The following NKIRAS1 variants were observed in gnomAD, a reference collection of about 807,000 sequenced individuals.
The protein encoded by NKIRAS1 is NFKB inhibitor interacting Ras like 1, also known as NF-kappa-B inhibitor-interacting Ras-like protein 1.
In NKIRAS1, 16 loss-of-function variants were observed where a neutral mutation model predicts 19.8. The observed-to-expected ratio is 0.81, with a 90% CI of 0.55 to 1.23. The LOEUF is 1.23. Ranked by LOEUF, NKIRAS1 falls within the 50% of genes most tolerant of loss-of-function variation. The pLI is 0.00. For synonymous variants in NKIRAS1, 88 were observed against 79.0 expected, an observed-to-expected ratio of 1.11 and a Z score of -0.61; for missense variants, 184 against 220.0, an observed-to-expected ratio of 0.84 and a Z score of 1.04.
chr3:23,911,764 G>A (rs1441596453), intron 1 of NKIRAS1, among the ~76,000 whole-genome samples: 2 of 143,674 alleles, frequency 1.4e-5, no homozygotes, highest in Admixed American at 7.1e-5. Flanking sequence ...AGTCACGTGG[G>A]CTTTTTTTTT....
intron 1 of NKIRAS1, chr3:23,945,996 A>T (rs1052444055): frequency 3.3e-6 from 2 of 608,206 alleles, no homozygotes; most frequent in East Asian, 1.4e-4. Context: ...CCTGACCCAC[A>T]TTCCCCGGGG....
chr3:23,903,408 C>T (rs1702710590), intron 3 of NKIRAS1, among the ~76,000 whole-genome samples: 1 of 152,168 alleles, frequency 6.6e-6, no homozygotes, highest in Admixed American at 6.5e-5. Context: ...AGCCACTGCA[C>T]TGGGCCTAGG....
intron 4 of NKIRAS1, among the ~76,000 whole-genome samples, chr3:23,895,684 A>G (rs1036485187): frequency 3.3e-5 from 5 of 152,096 alleles, no homozygotes; most frequent in African/African-American, 1.2e-4. Flanking sequence ...TCTCAAATGA[A>G]CTGATGTTCT....
intron 1 of NKIRAS1, among the ~76,000 whole-genome samples, chr3:23,936,082 CAA>C (rs35945213): frequency 0.15 from 9,379 of 63,382 alleles, 326 homozygotes; most frequent in African/African-American, 0.26. Flanking sequence ...GACCCTGTCT[CAA>C]AAAAAAAAAA....
rs1027097997 is a variant in NKIRAS1, at chr3:23,925,264, C to T, written c.-139-13814G>A. On this transcript the variant is annotated intron_variant, in intron 1 of 4. Coordinates refer to the NKIRAS1 transcript ENST00000421515. ...ATACCAAGGAGAAAGCAGGAACCAG[C>T]GCAGTCCACACTGGTAGAGAGAGTA... Among the ~76,000 whole-genome samples the T allele has an allele frequency of 3.3e-5, 5 of 152,162 alleles. 1 individual carries two copies. Among genetic ancestry groups the T allele is most frequent in the African/African-American group, 9.7e-5 (4 of 41,434 alleles).
chr3:23,910,148 C>T (rs533834227), intron 3 of NKIRAS1, among the ~76,000 whole-genome samples: 32 of 133,164 alleles, frequency 2.4e-4, no homozygotes, highest in Non-Finnish European at 4.4e-4. Flanking sequence ...TGAGCCACTG[C>T]GCTCGGCCTT....
chr3:23,927,776 A>T lies in NKIRAS1; in HGVS notation c.-139-16326T>A, dbSNP rs903819259. Among the ~76,000 whole-genome samples, 33 of 152,148 alleles carry T rather than the reference A, an allele frequency of 2.2e-4. 1 individual carries two copies. The highest frequency in any genetic ancestry group is 7.7e-4 in the African/African-American group (32 of 41,428). On this transcript the variant is annotated intron_variant, in intron 1 of 4. Coordinates refer to the NKIRAS1 transcript ENST00000421515. This position sits in a 1 kb window ranked among gnomAD's most constrained non-coding sequence, Gnocchi z 4.0. Reference sequence around the variant, plus strand: ...GATGTTTTGCTTATCAAAAAGAAAGATTCAAAAAATGATCATCCAAGGCTG... The same window carrying T: ...GATGTTTTGCTTATCAAAAAGAAAGTTTCAAAAAATGATCATCCAAGGCTG...
chr3:23,946,264 GGCGCGGACCCC>G, intron 1 of NKIRAS1: 4 of 985,496 alleles, frequency 4.1e-6, no homozygotes, highest in Non-Finnish European at 3.6e-6. Flanking sequence ...GTGACCCCAA[GGCGCGGACCCC>G]GCGCAAACCA....
chr3:23,898,535 C>T (rs568918400), intron 4 of NKIRAS1, among the ~76,000 whole-genome samples: 4 of 152,002 alleles, frequency 2.6e-5, no homozygotes, highest in East Asian at 1.9e-4. Flanking sequence ...CTCTGCCTCC[C>T]GGGTTTCAAG....
intron 3 of NKIRAS1, among the ~76,000 whole-genome samples, chr3:23,903,209 GC>G (rs1360994566): frequency 1.3e-5 from 2 of 152,114 alleles, no homozygotes; most frequent in African/African-American, 4.8e-5. Context: ...AACCTCCTGG[GC>G]TCAAGCGATC....
At chr3:23,904,409 G>A (rs1453948127) in intron 3 of NKIRAS1, among the ~76,000 whole-genome samples, 1 of 152,144 alleles carries the variant, frequency 6.6e-6, no homozygotes, top group Non-Finnish European at 1.5e-5. Context: ...CAAATGCTGT[G>A]TCCTCACATG....
chr3:23,910,548 T>C (rs1206108353), intron 3 of NKIRAS1, among the ~76,000 whole-genome samples: 2 of 152,232 alleles, frequency 1.3e-5, no homozygotes, highest in African/African-American at 2.4e-5. Flanking sequence ...ACCACATATA[T>C]ACAAAGGAAT....
intron 1 of NKIRAS1, among the ~76,000 whole-genome samples, chr3:23,942,489 C>T (rs1336707149): frequency 2.0e-5 from 3 of 152,064 alleles, no homozygotes; most frequent in African/African-American, 4.8e-5. Flanking sequence ...TGGAGTGCAA[C>T]GGCACGATCT....
At chr3:23,921,794 C>T (rs1441841757), upstream of NKIRAS1, 4 of 573,150 alleles carry the variant, frequency 7.0e-6, no homozygotes, top group Admixed American at 3.2e-5. Context: ...AGGCTGGTCT[C>T]GAACTCCTGA....
At chr3:23,920,287 A>T (rs537698656), upstream of NKIRAS1, 2 of 985,824 alleles carry the variant, frequency 2.0e-6, no homozygotes, top group African/African-American at 3.5e-5. Flanking sequence ...GTTGGCTATA[A>T]GTACGTCATT....
At chr3:23,909,584 T>G (rs1016484618) in intron 3 of NKIRAS1, among the ~76,000 whole-genome samples, 3 of 152,190 alleles carry the variant, frequency 2.0e-5, no homozygotes, top group African/African-American at 7.2e-5. Context: ...TGATGATCTC[T>G]GTTTACTTAT....
chr3:23,893,253 T>A lies in NKIRAS1; in HGVS notation c.421A>T (p.Ser141Cys). The change falls in exon 5 of 5, where the codon AGT becomes TGT. Residue 141 changes from serine to cysteine, a missense_variant. By Grantham distance (112) the Ser-to-Cys change is moderately radical. Coordinates refer to ENST00000425478, the MANE Select transcript of NKIRAS1 (RefSeq NM_020345.4). ...DAEVAQQWAK[S>C]EKVRLWEVTV... is the part of the protein sequence containing the mutation. Reference sequence around the variant, plus strand: ...ACCTCCCACAGTCTTACTTTCTCACTTTTTGCCCACTGCTGTGCCACTTCA... The same window carrying A: ...ACCTCCCACAGTCTTACTTTCTCACATTTTGCCCACTGCTGTGCCACTTCA... 6.2e-7 allele frequency: 1 copy of A among 1,614,196 alleles called. No individual in the cohort carries two copies. Among genetic ancestry groups the A allele is most frequent in the East Asian group, 2.2e-5 (1 of 44,890 alleles).
chr3:23,918,361 A>G, upstream of NKIRAS1: 1 of 1,473,966 alleles, frequency 6.8e-7, no homozygotes, highest in Admixed American at 2.4e-5. Flanking sequence ...TTTTTGGTGG[A>G]GTATTAGTGA....
At chr3:23,909,784 C>A (rs534776955) in intron 3 of NKIRAS1, among the ~76,000 whole-genome samples, 39 of 152,052 alleles carry the variant, frequency 2.6e-4, no homozygotes, top group South Asian at 2.5e-3. Context: ...AAAATTAAGT[C>A]ATACTCACCA....
Sources: gnomAD v4.1 joint callset for allele counts (sites outside exome capture counted in the v4.1 genomes callset) on GRCh38, gnomAD v4.1.1 for gene constraint, Gnocchi (gnomAD v3.1) non-coding constraint, MANE v1.5 for transcripts, NCBI Gene and HGNC (gene_info 2026-07-23, HGNC 2026-07-21) for gene names.